Variants in RAMP3 observed in about 807,000 individuals in gnomAD.
RAMP3 encodes receptor activity-modifying protein 3.
RAMP3 carries 14 observed loss-of-function variants against 13.5 expected under a neutral mutation model. The observed-to-expected ratio is 1.04, with a 90% CI of 0.69 to 1.63. RAMP3 has a LOEUF of 1.63. Among genes scored for constraint, RAMP3 ranks in the 40% most tolerant of loss-of-function variants. RAMP3 has a pLI of 0.00. For synonymous variants in RAMP3, 106 were observed against 88.3 expected, an observed-to-expected ratio of 1.20 and a Z score of -1.12; for missense variants, 200 against 204.8, an observed-to-expected ratio of 0.98 and a Z score of 0.14.
chr7:45,159,341 A>G (rs1220699004), intron 1 of RAMP3, among the ~76,000 whole-genome samples: 1 of 152,216 alleles, frequency 6.6e-6, no homozygotes, highest in African/African-American at 2.4e-5. Context: ...TGTCAGAGGT[A>G]TCCGGGACTG....
intron 1 of RAMP3, among the ~76,000 whole-genome samples, chr7:45,161,175 A>G (rs1039913573): frequency 2.6e-5 from 4 of 152,186 alleles, no homozygotes; most frequent in African/African-American, 9.7e-5. Context: ...ATTATGGAGT[A>G]TGTAGAGATT....
At position 45,172,160 on chromosome 7, in the gene RAMP3, A is replaced by T. The variant is rs546893474; in HGVS notation, c.59-5149A>T. 8.2e-4 allele frequency among the ~76,000 whole-genome samples: 125 copies of T among 152,312 alleles called. 2 individuals carry two copies. The highest frequency in any genetic ancestry group is 3.5e-3 in the South Asian group (17 of 4,826). Reference sequence around the variant, plus strand: ...AGGGAGCCTCAGTTCTCTAGGCCTCATCTGCCCAGAAAGAAGAGACCTCCT... The same window carrying T: ...AGGGAGCCTCAGTTCTCTAGGCCTCTTCTGCCCAGAAAGAAGAGACCTCCT... On this transcript the variant is annotated intron_variant, in intron 1 of 2. Coordinates refer to ENST00000242249, the MANE Select transcript of RAMP3 (RefSeq NM_005856.3).
intron 1 of RAMP3, among the ~76,000 whole-genome samples, chr7:45,171,112 A>T (rs6952399): frequency 6.6e-6 from 1 of 150,590 alleles, no homozygotes; most frequent in Non-Finnish European, 1.5e-5. Flanking sequence ...TATTTTCTAC[A>T]TATTTGTGAA....
chr7:45,169,791 A>G (rs1057374966), intron 1 of RAMP3, among the ~76,000 whole-genome samples: 16 of 152,138 alleles, frequency 1.1e-4, no homozygotes, highest in African/African-American at 3.6e-4. Flanking sequence ...GTCATGTTGG[A>G]TTAGGTCTAC....
Position 45,183,507 on chromosome 7 carries a change from C to T in RAMP3, c.*95C>T. The T allele has an allele frequency of 6.5e-7, 1 of 1,532,340 alleles. No homozygotes were observed. The highest frequency in any genetic ancestry group is 1.2e-5 in the South Asian group (1 of 83,810). The allele number at this position is 1,532,340 out of a possible 1,614,324, so 94.9% of individuals were successfully genotyped here. A position where few individuals can be genotyped will look rare whatever the true frequency, so the allele number is the denominator to read the frequency against. ...GGTGGGTGCTGCCAATCTCCAGCTA[C>T]TGTGGCCACACCCCACCTGGTCATG... On this transcript the variant is annotated 3_prime_UTR_variant, in exon 3 of 3. Coordinates refer to ENST00000242249, the MANE Select transcript of RAMP3 (RefSeq NM_005856.3).
intron 2 of RAMP3, among the ~76,000 whole-genome samples, chr7:45,179,137 C>A (rs1196264095): frequency 2.0e-5 from 3 of 152,252 alleles, no homozygotes; most frequent in Non-Finnish European, 4.4e-5. Flanking sequence ...GGCACAGTGT[C>A]CCAGAGAGGG....
intron 1 of RAMP3, among the ~76,000 whole-genome samples, chr7:45,166,392 T>C (rs1584066948): frequency 2.0e-5 from 3 of 152,320 alleles, no homozygotes; most frequent in Admixed American, 2.0e-4. Flanking sequence ...GTGGTTTGAT[T>C]TGCATTTCCC....
chr7:45,158,207 C>T (rs1448727796), intron 1 of RAMP3, among the ~76,000 whole-genome samples: 1 of 152,192 alleles, frequency 6.6e-6, no homozygotes, highest in African/African-American at 2.4e-5. Flanking sequence ...TCAGGGTGGG[C>T]GAGAAGAGGT....
chr7:45,170,395 A>G lies in RAMP3; in HGVS notation c.59-6914A>G, dbSNP rs536042319. Among the ~76,000 whole-genome samples, 7 of 151,930 alleles carry G rather than the reference A, an allele frequency of 4.6e-5. No homozygotes were observed. In the East Asian group the frequency reaches 9.7e-4, roughly 21 times the overall value. On this transcript the variant is annotated intron_variant, in intron 1 of 2. Coordinates refer to ENST00000242249, the MANE Select transcript of RAMP3 (RefSeq NM_005856.3). Reference sequence around the variant, plus strand: ...GCTCTGTCACCTAGGCTGGAGTGCAATGGCGCAATCTTGGCTACTGCAACC... The same window carrying G: ...GCTCTGTCACCTAGGCTGGAGTGCAGTGGCGCAATCTTGGCTACTGCAACC...
chr7:45,157,916 G>GC, intron 1 of RAMP3, 30 bp downstream of exon 1: 1 of 1,344,394 alleles, frequency 7.4e-7, no homozygotes, highest in South Asian at 1.9e-5. Context: ...CACCGGGGGC[G>GC]CCCCCACTCC....
In RAMP3 at chr7:45,183,610, C is replaced by T; in HGVS notation, c.*198C>T. The T allele has an allele frequency of 2.8e-6, 2 of 724,524 alleles. No individual in the cohort carries two copies. The highest frequency in any genetic ancestry group is 4.5e-6 in the Non-Finnish European group (2 of 446,688). 44.9% of individuals were successfully genotyped at this position (724,524 alleles called of 1,614,324 possible). ...CCTGGCTGAGGCTCAGGCTATCCGC[C>T]CAAGCTCTTTGCTCATTCTAGGGCC... is the stretch of plus-strand genomic sequence containing the variant. On this transcript the variant is annotated 3_prime_UTR_variant, in exon 3 of 3. Transcript: ENST00000242249.
At chr7:45,182,153 G>A (rs1209931189) in intron 2 of RAMP3, among the ~76,000 whole-genome samples, 2 of 152,342 alleles carry the variant, frequency 1.3e-5, no homozygotes, top group Non-Finnish European at 2.9e-5. Context: ...TCCTGGGACA[G>A]CGCGGGAAGG....
chr7:45,160,632 C>T lies in RAMP3; in HGVS notation c.58+2746C>T, dbSNP rs149308978. Among the ~76,000 whole-genome samples the T allele has an allele frequency of 3.5e-4, 53 of 152,188 alleles. 1 individual carries two copies. The highest frequency in any genetic ancestry group is 1.2e-3 in the African/African-American group (51 of 41,530). On this transcript the variant is annotated intron_variant, in intron 1 of 2. Coordinates refer to ENST00000242249, the MANE Select transcript of RAMP3 (RefSeq NM_005856.3). ...CTCTTTCTGTCAAGGAGGGGGAGAG[C>T]GCCTGTGTTTCATTTCCAAATGACT...
In RAMP3 at chr7:45,183,646, A is replaced by T; in HGVS notation, c.*234A>T. Reference sequence around the variant, plus strand: ...GCTCATTCTAGGGCCAGTGGAGGAAAATGTGATAAGGCCAGAGCTTGTGTG... The same window carrying T: ...GCTCATTCTAGGGCCAGTGGAGGAATATGTGATAAGGCCAGAGCTTGTGTG... On this transcript the variant is annotated 3_prime_UTR_variant, in exon 3 of 3. Coordinates refer to ENST00000242249, the MANE Select transcript of RAMP3 (RefSeq NM_005856.3). 2 of 618,306 alleles carry T rather than the reference A, an allele frequency of 3.2e-6. No individual in the cohort carries two copies. The highest frequency in any genetic ancestry group is 5.7e-6 in the Non-Finnish European group (2 of 353,890). The allele number at this position is 618,306 out of a possible 1,614,324, so 38.3% of individuals were successfully genotyped here. A position where few individuals can be genotyped will look rare whatever the true frequency, so the allele number is the denominator to read the frequency against.
intron 1 of RAMP3, among the ~76,000 whole-genome samples, chr7:45,158,175 A>G (rs1785796393): frequency 6.6e-6 from 1 of 152,104 alleles, no homozygotes; most frequent in Admixed American, 6.5e-5. Flanking sequence ...ATGTCCCCCC[A>G]CGCCCCGGTT....
At position 45,167,565 on chromosome 7, in the gene RAMP3, T is replaced by A. The variant is rs1028079720; in HGVS notation, c.58+9679T>A. ...GAGTCCTACAACTTTGTTCTTTTTT[T>A]TTTTTTTTTATTTTTGAGACGGAGT... is the stretch of plus-strand genomic sequence containing the variant. On this transcript the variant is annotated intron_variant, in intron 1 of 2. Coordinates refer to ENST00000242249, the MANE Select transcript of RAMP3 (RefSeq NM_005856.3). 4.6e-5 allele frequency among the ~76,000 whole-genome samples: 7 copies of A among 151,770 alleles called. No homozygotes were observed. In the South Asian group the frequency reaches 1.0e-3, roughly 23 times the overall value.
At chr7:45,181,914 G>A (rs1321208027) in intron 2 of RAMP3, among the ~76,000 whole-genome samples, 3 of 152,194 alleles carry the variant, frequency 2.0e-5, no homozygotes, top group Non-Finnish European at 2.9e-5. Context: ...TACATTCCAA[G>A]GTGCTGAGAG....
In RAMP3 at chr7:45,157,801, A is replaced by C; in HGVS notation, c.-28A>C. 1 of 1,223,824 alleles carries C rather than the reference A, an allele frequency of 8.2e-7. No homozygotes were observed. The highest frequency in any genetic ancestry group is 1.0e-6 in the Non-Finnish European group (1 of 970,574). The allele number at this position is 1,223,824 out of a possible 1,614,324, so 75.8% of individuals were successfully genotyped here. A position where few individuals can be genotyped will look rare whatever the true frequency, so the allele number is the denominator to read the frequency against. On this transcript the variant is annotated 5_prime_UTR_variant, in exon 1 of 3. Transcript: ENST00000242249. ...CCCAGCCGCGCCCCCAGCGGGACCG[A>C]GCGTGACCCAGCTGCGGCCGGCCAG...
At chr7:45,182,965 G>C (rs987794763) in intron 2 of RAMP3, among the ~76,000 whole-genome samples, 192 bp from the exon 3 acceptor site, 2 of 152,152 alleles carry the variant, frequency 1.3e-5, no homozygotes, top group African/African-American at 4.8e-5. Flanking sequence ...AATGTGGGCA[G>C]GGGACACAGG....
Sources: gnomAD v4.1 joint callset for allele counts (sites outside exome capture counted in the v4.1 genomes callset) on GRCh38, gnomAD v4.1.1 for gene constraint, MANE v1.5 for transcripts, NCBI Gene and HGNC (gene_info 2026-07-23, HGNC 2026-07-21) for gene names.